Variants in ABCG2 observed in about 807,000 individuals in gnomAD.
ABCG2 encodes the protein ATP binding cassette subfamily G member 2 (JR blood group), also known as broad substrate specificity ATP-binding cassette transporter ABCG2.
Under a neutral mutation model 73.5 loss-of-function variants are expected in ABCG2, and 80 were observed. That is an observed-to-expected ratio of 1.09 (90% CI 0.91 to 1.31). ABCG2 has a LOEUF of 1.31. Among genes scored for constraint, ABCG2 ranks in the 50% most tolerant of loss-of-function variants. ABCG2 has a pLI of 0.00. For synonymous variants in ABCG2, 269 were observed against 282.4 expected, an observed-to-expected ratio of 0.95 and a Z score of 0.48; for missense variants, 796 against 786.2, an observed-to-expected ratio of 1.01 and a Z score of -0.15.
chr4:88,192,183 GAAAA>G (rs34478612), intron 1 of ABCG2, among the ~76,000 whole-genome samples: 3 of 142,694 alleles, frequency 2.1e-5, no homozygotes, highest in Non-Finnish European at 4.6e-5. Flanking sequence ...TCTGTGTCAA[GAAAA>G]AAAAAAAAAA....
intron 1 of ABCG2, among the ~76,000 whole-genome samples, chr4:88,194,954 AC>A (rs1449630100): frequency 6.6e-6 from 1 of 152,196 alleles, no homozygotes; most frequent in East Asian, 1.9e-4. Flanking sequence ...AAATGACCCA[AC>A]TGGTCTATGT....
intron 2 of ABCG2, among the ~76,000 whole-genome samples, chr4:88,136,227 C>T (rs1052418265): frequency 4.6e-5 from 7 of 152,014 alleles, no homozygotes; most frequent in Admixed American, 2.0e-4. Flanking sequence ...AAAAGTTATG[C>T]ATGTATGTGT....
chr4:88,162,110 G>A (rs1255895595), upstream of ABCG2, among the ~76,000 whole-genome samples: 1 of 152,078 alleles, frequency 6.6e-6, no homozygotes, highest in African/African-American at 2.4e-5. Context: ...TATTTGGGGG[G>A]CTGAGGTGGA....
At chr4:88,145,257 CTT>C (rs1434122977) in intron 1 of ABCG2, among the ~76,000 whole-genome samples, 1 of 152,218 alleles carries the variant, frequency 6.6e-6, no homozygotes, top group Non-Finnish European at 1.5e-5. Flanking sequence ...TTGCTACAAA[CTT>C]AGCAGTGGAA....
chr4:88,194,072 T>G (rs551941164), intron 1 of ABCG2, among the ~76,000 whole-genome samples: 1 of 152,216 alleles, frequency 6.6e-6, no homozygotes, highest in Non-Finnish European at 1.5e-5. Flanking sequence ...AAAAACATTT[T>G]CAAGAAATCA....
At chr4:88,111,954 G>C (rs1457843317) in intron 9 of ABCG2, among the ~76,000 whole-genome samples, 1 of 152,036 alleles carries the variant, frequency 6.6e-6, no homozygotes, top group Non-Finnish European at 1.5e-5. Flanking sequence ...AGGTGTTGTG[G>C]TGCACGGCTG....
At chr4:88,189,499 G>A (rs1728595476) in intron 1 of ABCG2, among the ~76,000 whole-genome samples, 1 of 151,434 alleles carries the variant, frequency 6.6e-6, no homozygotes, top group African/African-American at 2.4e-5. Flanking sequence ...GGGCAACAGA[G>A]TGAGACCCTG....
intron 1 of ABCG2, among the ~76,000 whole-genome samples, chr4:88,214,049 G>A (rs1020630029): frequency 7.3e-6 from 1 of 136,192 alleles, no homozygotes; most frequent in Non-Finnish European, 1.5e-5. Flanking sequence ...GTGCAGTGGT[G>A]CAATCATAGC....
At chr4:88,131,031 A>G in intron 5 of ABCG2, 30 bp downstream of exon 5, 1 of 1,612,828 alleles carries the variant, frequency 6.2e-7, no homozygotes, top group South Asian at 1.1e-5. Flanking sequence ...ACTTATGCTG[A>G]TCATGATGCT....
chr4:88,113,328 C>T lies in ABCG2; in HGVS notation c.1169G>A (p.Gly390Asp). The change falls in exon 9 of 16, where the codon GGT becomes GAT. Residue 390 changes from glycine to aspartate, a missense_variant. Coordinates refer to ENST00000237612, the MANE Select transcript of ABCG2 (RefSeq NM_004827.3). ...CTGAGCTATAGAGGCCTGGGGATTA[C>T]CCAGCAAGTTTTTGAATGAACGCTT... ...VSKRSFKNLL[G>D]NPQASIAQII... 1.2e-6 allele frequency: 2 copies of T among 1,614,074 alleles called. No individual in the cohort carries two copies. The highest frequency in any genetic ancestry group is 2.2e-5 in the South Asian group (2 of 91,074).
intron 1 of ABCG2, among the ~76,000 whole-genome samples, chr4:88,225,329 G>A (rs1220088322): frequency 1.3e-5 from 2 of 152,174 alleles, no homozygotes; most frequent in Non-Finnish European, 2.9e-5. Flanking sequence ...AAAATAAGCA[G>A]GAAGGATTTG....
intron 5 of ABCG2, among the ~76,000 whole-genome samples, chr4:88,123,897 T>G (rs1363428025): frequency 6.6e-6 from 1 of 152,132 alleles, no homozygotes; most frequent in African/African-American, 2.4e-5. Flanking sequence ...GAAAAAATGT[T>G]AAGGGCAGCC....
At chr4:88,109,238 T>A (rs900022962) in intron 9 of ABCG2, among the ~76,000 whole-genome samples, 1 of 152,024 alleles carries the variant, frequency 6.6e-6, no homozygotes, top group Admixed American at 6.6e-5. Context: ...GACCTCATGA[T>A]CTGCCCGCCT....
chr4:88,155,050 T>A (rs1043624371), intron 1 of ABCG2, among the ~76,000 whole-genome samples: 15 of 151,728 alleles, frequency 9.9e-5, no homozygotes, highest in Admixed American at 8.5e-4. Context: ...ATGAAAAGGG[T>A]TGGGATGAGT....
chr4:88,171,183 T>C (rs752788891), intron 1 of ABCG2, among the ~76,000 whole-genome samples: 3 of 151,682 alleles, frequency 2.0e-5, no homozygotes, highest in Non-Finnish European at 4.4e-5. Flanking sequence ...TAATACCTGG[T>C]TGATGAAATC....
chr4:88,165,642 G>A (rs1333034501), intron 1 of ABCG2, among the ~76,000 whole-genome samples: 3 of 152,340 alleles, frequency 2.0e-5, no homozygotes, highest in East Asian at 1.9e-4. Context: ...TTGGGAGGCC[G>A]AGGCGGGTGG....
chr4:88,181,398 C>CAAAAAAAAAAAAAAAAAAAAAAA lies in ABCG2; in HGVS notation c.-19-41407_-19-41385dup, dbSNP rs57417105. Among the ~76,000 whole-genome samples the CAAAAAAAAAAAAAAAAAAAAAAA allele has an allele frequency of 7.6e-4, 74 of 96,852 alleles. 2 individuals are homozygous for CAAAAAAAAAAAAAAAAAAAAAAA. Among genetic ancestry groups the CAAAAAAAAAAAAAAAAAAAAAAA allele is most frequent in the Middle Eastern group, 0.015 (2 of 130 alleles). 63.5% of individuals were successfully genotyped at this position (96,852 alleles called of 152,430 possible). A position where few individuals can be genotyped will look rare whatever the true frequency, so the allele number is the denominator to read the frequency against. ...CTGGTGACAGAGCAAGACTCCATCT[C>CAAAAAAAAAAAAAAAAAAAAAAA]AAAAAAAAAAAAAAAAAAAAAAAAA... is the stretch of plus-strand genomic sequence containing the variant. On this transcript the variant is annotated intron_variant, in intron 1 of 15. Transcript: ENST00000515655.
In ABCG2 at chr4:88,143,644, C is replaced by T. The variant is rs1040489836; in HGVS notation, c.-19-3630G>A. Among the ~76,000 whole-genome samples, 9 of 152,202 alleles carry T rather than the reference C, an allele frequency of 5.9e-5. 1 individual carries two copies. Among genetic ancestry groups the T allele is most frequent in the Admixed American group, 5.2e-4 (8 of 15,284 alleles). On this transcript the variant is annotated intron_variant, in intron 1 of 15. Coordinates refer to ENST00000237612, the MANE Select transcript of ABCG2 (RefSeq NM_004827.3). The stretch of plus-strand genomic sequence containing the variant: ...GTGATAGGATTAAATGTGTAATTCA[C>T]ATTACTCAGGAGCTGTTTCATTCCT...
chr4:88,220,819 G>A (rs1311162325), intron 1 of ABCG2, among the ~76,000 whole-genome samples: 1 of 152,058 alleles, frequency 6.6e-6, no homozygotes, highest in Admixed American at 6.6e-5. Context: ...GGTTTTATAA[G>A]GCACTTTCCC....
Sources: gnomAD v4.1 joint callset for allele counts (sites outside exome capture counted in the v4.1 genomes callset) on GRCh38, gnomAD v4.1.1 for gene constraint, MANE v1.5 for transcripts, NCBI Gene and HGNC (gene_info 2026-07-23, HGNC 2026-07-21) for gene names.